PTPRD: variants seen among roughly 807,000 people sequenced by gnomAD.
The protein encoded by PTPRD is receptor-type tyrosine-protein phosphatase delta.
Under a neutral mutation model 214.5 loss-of-function variants are expected in PTPRD, and 34 were observed. The ratio of observed to expected loss-of-function variants is 0.16; its 90% CI spans 0.12 to 0.21. The LOEUF is 0.21. PTPRD is among the 10% of genes least tolerant of loss of function. The pLI, the probability that PTPRD is intolerant of heterozygous loss-of-function variation, is 1.00. For missense variants in PTPRD, 2,545 were observed against 2,398.7 expected, an observed-to-expected ratio of 1.06 and a Z score of -1.27; for synonymous variants, 1,128 against 845.7, an observed-to-expected ratio of 1.33 and a Z score of -5.79.
chr9:9,951,747 G>T (rs1396326793), intron 4 of PTPRD, among the ~76,000 whole-genome samples: 1 of 152,194 alleles, frequency 6.6e-6, no homozygotes, highest in Non-Finnish European at 1.5e-5. Flanking sequence ...TTCTGCATCA[G>T]GAGGAAACAG....
intron 4 of PTPRD, among the ~76,000 whole-genome samples, chr9:9,954,581 T>C (rs1408613302): frequency 6.6e-6 from 1 of 151,654 alleles, no homozygotes; most frequent in Non-Finnish European, 1.5e-5. Context: ...AAATCTGTCA[T>C]TTATGAGAGC....
chr9:10,441,968 A>C (rs1010606089), intron 2 of PTPRD, among the ~76,000 whole-genome samples: 3 of 151,614 alleles, frequency 2.0e-5, no homozygotes, highest in East Asian at 3.9e-4. Context: ...ATGACTAAAA[A>C]AACTGGAGAA....
At chr9:9,551,883 T>C (rs2080358767) in intron 8 of PTPRD, among the ~76,000 whole-genome samples, 1 of 151,724 alleles carries the variant, frequency 6.6e-6, no homozygotes. Context: ...AATGGGATCA[T>C]CTCTCAGTGA....
chr9:10,238,845 G>C (rs886832742), intron 3 of PTPRD, among the ~76,000 whole-genome samples: 1 of 151,808 alleles, frequency 6.6e-6, no homozygotes. Flanking sequence ...TTTTGTTCTG[G>C]TGACTGTTCA....
intron 5 of PTPRD, among the ~76,000 whole-genome samples, chr9:9,929,293 T>C (rs1291748376): frequency 1.3e-5 from 2 of 152,204 alleles, no homozygotes; most frequent in East Asian, 1.9e-4. Context: ...TAAAGTTAAC[T>C]TGAGTCTACT....
chr9:10,516,889 G>A (rs566595763), intron 2 of PTPRD, among the ~76,000 whole-genome samples: 42 of 151,860 alleles, frequency 2.8e-4, no homozygotes, highest in African/African-American at 7.2e-4. Flanking sequence ...CCAATCATGC[G>A]TGCTTTCACT....
chr9:9,981,782 T>A (rs551026590), intron 4 of PTPRD, among the ~76,000 whole-genome samples: 5 of 152,288 alleles, frequency 3.3e-5, no homozygotes, highest in Admixed American at 1.3e-4. Context: ...TTGACTCGTA[T>A]CATACTCTAT....
chr9:9,157,909 C>A (rs2099882668), intron 10 of PTPRD, among the ~76,000 whole-genome samples: 1 of 152,066 alleles, frequency 6.6e-6, no homozygotes, highest in African/African-American at 2.4e-5. Flanking sequence ...TGTGTTATTT[C>A]CCACTGTGTG....
chr9:8,735,151 TG>T (rs2089907292), intron 11 of PTPRD, among the ~76,000 whole-genome samples: 2 of 125,132 alleles, frequency 1.6e-5, no homozygotes, highest in Non-Finnish European at 3.6e-5. Context: ...TTTTTTTTTC[TG>T]TTTTTTTTTT....
intron 7 of PTPRD, among the ~76,000 whole-genome samples, chr9:9,671,199 G>A (rs1188656063): frequency 6.6e-6 from 1 of 152,136 alleles, no homozygotes; most frequent in African/African-American, 2.4e-5. Flanking sequence ...AGTCAAAGGA[G>A]ATCATTTTGG....
At chr9:9,278,354 T>A (rs1946414018) in intron 9 of PTPRD, among the ~76,000 whole-genome samples, 1 of 151,342 alleles carries the variant, frequency 6.6e-6, no homozygotes, top group South Asian at 2.1e-4. Context: ...ACTGTATTCT[T>A]ATATACAGTG....
At chr9:9,819,309 A>G (rs1276960991) in intron 5 of PTPRD, among the ~76,000 whole-genome samples, 2 of 152,168 alleles carry the variant, frequency 1.3e-5, no homozygotes, top group Admixed American at 6.5e-5. Flanking sequence ...TTTATTTTTA[A>G]AGGCTTTTAC....
intron 43 of PTPRD, among the ~76,000 whole-genome samples, chr9:8,337,020 C>T (rs1402138602): frequency 6.6e-6 from 1 of 152,124 alleles, no homozygotes; most frequent in Non-Finnish European, 1.5e-5. Flanking sequence ...TTAGTTAAAC[C>T]ACTGTGGAAG....
At chr9:9,529,636 C>T (rs2075019223) in intron 8 of PTPRD, among the ~76,000 whole-genome samples, 1 of 151,854 alleles carries the variant, frequency 6.6e-6, no homozygotes, top group Non-Finnish European at 1.5e-5. Flanking sequence ...TGTTATAGTA[C>T]CAGATTTTAC....
intron 3 of PTPRD, among the ~76,000 whole-genome samples, chr9:10,131,987 T>C (rs780930378): frequency 6.6e-5 from 10 of 152,296 alleles, no homozygotes; most frequent in Admixed American, 2.0e-4. Context: ...TTAGCCTCTC[T>C]TCAACTACAC....
chr9:9,437,789 G>T (rs752255979), intron 8 of PTPRD, among the ~76,000 whole-genome samples: 2 of 152,134 alleles, frequency 1.3e-5, no homozygotes, highest in African/African-American at 2.4e-5. Context: ...CAGTTAACCC[G>T]AGGGGATATG....
intron 5 of PTPRD, among the ~76,000 whole-genome samples, chr9:9,899,729 G>C (rs2075929738): frequency 6.6e-6 from 1 of 151,888 alleles, no homozygotes; most frequent in Non-Finnish European, 1.5e-5. Context: ...AAATCAGTAT[G>C]TGGAAGAGAT....
At chr9:8,870,232 A>G (rs2098272068) in intron 11 of PTPRD, among the ~76,000 whole-genome samples, 2 of 152,088 alleles carry the variant, frequency 1.3e-5, no homozygotes, top group African/African-American at 2.4e-5. Context: ...TGGAAATGCC[A>G]TCTCATATAT....
At chr9:9,959,034 A>C (rs1335849515) in intron 4 of PTPRD, among the ~76,000 whole-genome samples, 1 of 152,198 alleles carries the variant, frequency 6.6e-6, no homozygotes, top group African/African-American at 2.4e-5. Context: ...TTATGTTCAC[A>C]CCAAAACCTT....
Sources: gnomAD v4.1 joint callset for allele counts (sites outside exome capture counted in the v4.1 genomes callset) on GRCh38, gnomAD v4.1.1 for gene constraint, MANE v1.5 for transcripts, NCBI Gene and HGNC (gene_info 2026-07-23, HGNC 2026-07-21) for gene names.